SH3BP4: variants seen among roughly 807,000 people sequenced by gnomAD.
SH3BP4 encodes SH3 domain-binding protein 4.
SH3BP4 carries 33 observed loss-of-function variants against 65.5 expected under a neutral mutation model. The ratio of observed to expected loss-of-function variants is 0.50; its 90% CI spans 0.38 to 0.67. The LOEUF is 0.67. Among genes scored for constraint, SH3BP4 ranks in the 30% least tolerant of loss-of-function variants. The pLI, the probability that SH3BP4 is intolerant of heterozygous loss-of-function variation, is 0.00. For synonymous variants in SH3BP4, 552 were observed against 545.5 expected (o/e 1.01, Z -0.17); for missense variants, 1,134 against 1,261.4 (o/e 0.90, Z 1.53).
Position 235,041,460 on chromosome 2 carries a change from C to G in SH3BP4, c.691C>G (p.Pro231Ala), listed in dbSNP as rs1323084211. 1 of 1,614,208 alleles carries G rather than the reference C, an allele frequency of 6.2e-7. No homozygotes were observed. Among genetic ancestry groups the G allele is most frequent in the Non-Finnish European group, 8.5e-7 (1 of 1,180,040 alleles). Residue 231 changes from proline (P) to alanine (A), a missense_variant, in exon 4 of 6, where the codon CCG becomes GCG. By Grantham distance (27) the Pro-to-Ala change is conservative (BLOSUM62 -1). Coordinates refer to ENST00000392011, the MANE Select transcript of SH3BP4 (RefSeq NM_014521.3). This position sits in a 1 kb window ranked among gnomAD's most constrained non-coding sequence, Gnocchi z 6.0. ...PVTNGLHAEP[P>A]VRRDNPFFRS... The stretch of plus-strand genomic sequence containing the variant: ...CACAAACGGACTCCACGCAGAGCCG[C>G]CGGTCAGGCGGGACAACCCCTTCTT...
At chr2:235,000,327 T>G (rs1307396726) in intron 2 of SH3BP4, among the ~76,000 whole-genome samples, 2 of 152,230 alleles carry the variant, frequency 1.3e-5, no homozygotes, top group African/African-American at 2.4e-5. Flanking sequence ...GCTGTGTGGC[T>G]TCACTGTTAA....
At chr2:235,024,972 A>G (rs1349226697) in intron 2 of SH3BP4, among the ~76,000 whole-genome samples, 1 of 151,812 alleles carries the variant, frequency 6.6e-6, no homozygotes, top group Non-Finnish European at 1.5e-5. Context: ...TGCTCTTAAA[A>G]CGTCTTCAGA....
At chr2:235,051,451 G>T (rs977306805) in intron 4 of SH3BP4, among the ~76,000 whole-genome samples, 1 of 152,198 alleles carries the variant, frequency 6.6e-6, no homozygotes, top group African/African-American at 2.4e-5. Context: ...CGGCCACGTG[G>T]TTGTTCCAGC....
At chr2:235,051,232 C>T (rs1182457511) in intron 4 of SH3BP4, among the ~76,000 whole-genome samples, 2 of 152,274 alleles carry the variant, frequency 1.3e-5, no homozygotes, top group South Asian at 4.1e-4. Flanking sequence ...GCGCCAGAGT[C>T]GCTTGCATGA....
chr2:234,954,058 A>T (rs1371558469), intron 1 of SH3BP4, among the ~76,000 whole-genome samples: 1 of 152,084 alleles, frequency 6.6e-6, no homozygotes, highest in Admixed American at 6.5e-5. Context: ...GGGAGGACGC[A>T]TAAACTGAAC....
intron 2 of SH3BP4, among the ~76,000 whole-genome samples, chr2:235,007,024 C>A (rs1694317044): frequency 6.6e-6 from 1 of 152,100 alleles, no homozygotes; most frequent in Admixed American, 6.6e-5. Flanking sequence ...ACATTTAGCA[C>A]AGGGCCTGGC....
rs527485143 is a variant in SH3BP4, at chr2:234,997,463, TG to T, written c.-133+2089del. 2.0e-5 allele frequency among the ~76,000 whole-genome samples: 3 copies of T among 152,314 alleles called. No individual in the cohort carries two copies. Among genetic ancestry groups the T allele is most frequent in the East Asian group, 3.9e-4 (2 of 5,176 alleles). ...ATCAGAGGTAGTTTATCCTGGTGCC[TG>T]GTGTCCTTCAGGATGAAGGAGGCAG... On this transcript the variant is annotated intron_variant, in intron 2 of 5. Coordinates refer to ENST00000392011, the MANE Select transcript of SH3BP4 (RefSeq NM_014521.3). This position sits in a 1 kb window ranked among gnomAD's most constrained non-coding sequence, Gnocchi z 4.2.
intron 2 of SH3BP4, among the ~76,000 whole-genome samples, chr2:235,006,738 T>C (rs1333715399): frequency 2.0e-5 from 3 of 152,192 alleles, no homozygotes; most frequent in African/African-American, 7.2e-5. Flanking sequence ...CGTCCGTCTG[T>C]ACTACTGCAC....
At chr2:235,009,419 A>G (rs953428256) in intron 2 of SH3BP4, among the ~76,000 whole-genome samples, 2 of 152,216 alleles carry the variant, frequency 1.3e-5, no homozygotes, top group Non-Finnish European at 2.9e-5. Context: ...AGAGTTTGGG[A>G]GAGGGGCCGT....
chr2:234,961,078 G>A (rs76764266), intron 1 of SH3BP4, among the ~76,000 whole-genome samples: 14,653 of 152,228 alleles, frequency 0.096, 920 homozygotes, highest in Non-Finnish European at 0.14. Flanking sequence ...GTCTGTGTCC[G>A]AATATTTGGC....
intron 1 of SH3BP4, among the ~76,000 whole-genome samples, chr2:234,961,294 T>C (rs549551619): frequency 6.6e-6 from 1 of 152,280 alleles, no homozygotes; most frequent in African/African-American, 2.4e-5. Context: ...GTTTTTGAGA[T>C]GGAGTTTTGC....
intron 4 of SH3BP4, among the ~76,000 whole-genome samples, chr2:235,051,486 G>C (rs894237460): frequency 1.3e-5 from 2 of 152,214 alleles, no homozygotes; most frequent in Admixed American, 6.5e-5. Flanking sequence ...CACTGTCCCA[G>C]CAGGGCTGTC....
chr2:235,012,814 G>A (rs1166217008), intron 2 of SH3BP4, among the ~76,000 whole-genome samples: 1 of 152,226 alleles, frequency 6.6e-6, no homozygotes, highest in Non-Finnish European at 1.5e-5. Flanking sequence ...TCCCCACTGT[G>A]GTCCAAGGAG....
intron 1 of SH3BP4, among the ~76,000 whole-genome samples, chr2:234,968,107 C>T (rs1692885325): frequency 6.6e-6 from 1 of 152,160 alleles, no homozygotes; most frequent in African/African-American, 2.4e-5. Context: ...GGGCTGTAGC[C>T]AGGTAGTTAG....
intron 1 of SH3BP4, among the ~76,000 whole-genome samples, chr2:234,955,335 A>G (rs1227140729): frequency 6.6e-6 from 1 of 152,144 alleles, no homozygotes; most frequent in Non-Finnish European, 1.5e-5. Context: ...TGCACGAAAG[A>G]AGCCTCACAT....
chr2:235,044,918 C>A (rs565726826), intron 4 of SH3BP4, among the ~76,000 whole-genome samples: 156 of 152,290 alleles, frequency 1.0e-3, no homozygotes, highest in African/African-American at 3.6e-3. Flanking sequence ...TGGAAGCGGC[C>A]GTCAGGGGGG....
intron 2 of SH3BP4, among the ~76,000 whole-genome samples, chr2:235,000,374 C>G (rs1036299451): frequency 1.3e-4 from 20 of 152,202 alleles, no homozygotes; most frequent in African/African-American, 4.8e-4. Flanking sequence ...GCCCCTGTGC[C>G]TGACGTTTCA....
chr2:234,986,370 G>T (rs1693560014), intron 1 of SH3BP4, among the ~76,000 whole-genome samples: 1 of 152,168 alleles, frequency 6.6e-6, no homozygotes, highest in Non-Finnish European at 1.5e-5. Flanking sequence ...GGTTTATTAG[G>T]GGGACAAAAC....
In SH3BP4 at chr2:235,026,620, T is replaced by C. The variant is rs539044069; in HGVS notation, c.-132-8251T>C. ...CTAGAGCCTGGCACTCCGTAGATGT[T>C]CACTAAGGTGACCTCTGTGCGTAGT... On this transcript the variant is annotated intron_variant, in intron 2 of 5. Transcript: ENST00000392011. This position sits in a 1 kb window ranked among gnomAD's most constrained non-coding sequence, Gnocchi z 4.6. Among the ~76,000 whole-genome samples, 1 of 152,330 alleles carries C rather than the reference T, an allele frequency of 6.6e-6. No individual in the cohort carries two copies. Among genetic ancestry groups the C allele is most frequent in the South Asian group, 2.1e-4 (1 of 4,828 alleles).
Sources: gnomAD v4.1 joint callset for allele counts (sites outside exome capture counted in the v4.1 genomes callset) on GRCh38, gnomAD v4.1.1 for gene constraint, Gnocchi (gnomAD v3.1) non-coding constraint, MANE v1.5 for transcripts, NCBI Gene and HGNC (gene_info 2026-07-23, HGNC 2026-07-21) for gene names.